RALYL: variants seen among roughly 807,000 people sequenced by gnomAD.
The protein encoded by RALYL is RNA-binding Raly-like protein.
RALYL carries 29 observed loss-of-function variants against 35.1 expected under a neutral mutation model. The ratio of observed to expected loss-of-function variants is 0.83; its 90% CI spans 0.61 to 1.13. The LOEUF is 1.13. Among genes scored for constraint, RALYL ranks in the 50% most tolerant of loss-of-function variants. RALYL has a pLI of 0.00. For missense variants in RALYL, 359 were observed against 360.4 expected (o/e 1.00, Z 0.03); for synonymous variants, 120 against 127.6 (o/e 0.94, Z 0.40).
intron 2 of RALYL, among the ~76,000 whole-genome samples, chr8:84,683,800 CCACATCCTCCTGAGTTG>C (rs1311712091): frequency 6.6e-6 from 1 of 152,168 alleles, no homozygotes; most frequent in Non-Finnish European, 1.5e-5. Flanking sequence ...GATTCTCCTG[CCACATCCTCCTGAGTTG>C]CTGGGATTAT....
chr8:84,243,249 G>A (rs1206260540), intron 1 of RALYL, among the ~76,000 whole-genome samples: 1 of 152,076 alleles, frequency 6.6e-6, no homozygotes, highest in African/African-American at 2.4e-5. Flanking sequence ...TGGGTAGCAT[G>A]ATGCCTCCAG....
intron 5 of RALYL, among the ~76,000 whole-genome samples, chr8:84,856,276 T>C (rs1049756773): frequency 6.6e-6 from 1 of 152,228 alleles, no homozygotes; most frequent in African/African-American, 2.4e-5. Context: ...TTCACACTAC[T>C]GACCTTACAG....
intron 2 of RALYL, among the ~76,000 whole-genome samples, chr8:84,732,598 A>G (rs147379594): frequency 3.4e-4 from 51 of 150,786 alleles, no homozygotes; most frequent in African/African-American, 1.0e-3. Context: ...ATGTTCAGGT[A>G]GTACCTGAAA....
At chr8:84,615,110 T>A (rs893637698) in intron 2 of RALYL, among the ~76,000 whole-genome samples, 3 of 151,818 alleles carry the variant, frequency 2.0e-5, no homozygotes, top group African/African-American at 4.9e-5. Flanking sequence ...TGTGCTTTTT[T>A]AAGCAGCACT....
At chr8:84,559,988 T>A (rs1190677724) in intron 2 of RALYL, among the ~76,000 whole-genome samples, 1 of 150,640 alleles carries the variant, frequency 6.6e-6, no homozygotes, top group Admixed American at 6.6e-5. Flanking sequence ...TTTTTTTTTT[T>A]AATTGCCTCA....
chr8:84,208,123 A>C (rs1409136272), intron 1 of RALYL, among the ~76,000 whole-genome samples: 7 of 152,108 alleles, frequency 4.6e-5, no homozygotes, highest in African/African-American at 1.7e-4. Context: ...TTTGGTACAC[A>C]TATCGGATTA....
At chr8:84,236,468 C>A (rs997014217) in intron 1 of RALYL, among the ~76,000 whole-genome samples, 1 of 152,104 alleles carries the variant, frequency 6.6e-6, no homozygotes, top group Non-Finnish European at 1.5e-5. Context: ...TTCAGTGGTG[C>A]TTGCTTGAGT....
chr8:84,473,700 G>A (rs1304731621), intron 1 of RALYL, among the ~76,000 whole-genome samples: 2 of 151,360 alleles, frequency 1.3e-5, no homozygotes, highest in African/African-American at 2.4e-5. Flanking sequence ...AGTGTCCTTT[G>A]GGTTTTCATT....
chr8:84,233,336 T>C (rs1393660429), intron 1 of RALYL, among the ~76,000 whole-genome samples: 1 of 152,154 alleles, frequency 6.6e-6, no homozygotes, highest in East Asian at 1.9e-4. Context: ...AACTTCCATT[T>C]TGTAGGAAAA....
intron 1 of RALYL, among the ~76,000 whole-genome samples, chr8:84,229,001 A>G (rs1276085088): frequency 6.6e-6 from 1 of 152,150 alleles, no homozygotes; most frequent in Admixed American, 6.6e-5. Context: ...AAACTATATC[A>G]CATCCCCACA....
At chr8:84,562,670 A>AG (rs3067944) in intron 2 of RALYL, among the ~76,000 whole-genome samples, 7 of 151,728 alleles carry the variant, frequency 4.6e-5, no homozygotes, top group African/African-American at 1.7e-4. Context: ...ACTACTAACT[A>AG]ACAACCTTCT....
intron 1 of RALYL, among the ~76,000 whole-genome samples, chr8:84,395,138 CT>C (rs939411782): frequency 6.6e-6 from 1 of 151,632 alleles, no homozygotes; most frequent in African/African-American, 2.4e-5. Flanking sequence ...CATAAGATCA[CT>C]TTTTTTCTGT....
chr8:84,589,723 A>G (rs1027304629), intron 2 of RALYL, among the ~76,000 whole-genome samples: 3 of 152,242 alleles, frequency 2.0e-5, no homozygotes, highest in African/African-American at 4.8e-5. Flanking sequence ...GCAAATGCCA[A>G]CCTAAATTAA....
At chr8:84,816,135 C>T (rs555810795) in intron 4 of RALYL, among the ~76,000 whole-genome samples, 37 of 151,898 alleles carry the variant, frequency 2.4e-4, no homozygotes, top group Non-Finnish European at 4.3e-4. Flanking sequence ...ACCAGTCTTG[C>T]CTTGAAAAAG....
At chr8:84,715,689 A>C (rs1275770547) in intron 2 of RALYL, among the ~76,000 whole-genome samples, 1 of 152,068 alleles carries the variant, frequency 6.6e-6, no homozygotes, top group Non-Finnish European at 1.5e-5. Flanking sequence ...TTAGTAATTC[A>C]TTGTGAATCA....
intron 2 of RALYL, among the ~76,000 whole-genome samples, chr8:84,735,279 C>T (rs1482456979): frequency 1.3e-5 from 2 of 151,800 alleles, no homozygotes; most frequent in Non-Finnish European, 2.9e-5. Context: ...CAGTGTCTGC[C>T]ACACTGGGCT....
chr8:84,844,882 G>T (rs531426701), intron 4 of RALYL, among the ~76,000 whole-genome samples: 1 of 151,732 alleles, frequency 6.6e-6, no homozygotes, highest in Non-Finnish European at 1.5e-5. Context: ...AAAACCAAAC[G>T]CCACATGTTC....
intron 5 of RALYL, among the ~76,000 whole-genome samples, chr8:84,850,350 G>A (rs1472596505): frequency 6.6e-6 from 1 of 152,110 alleles, no homozygotes; most frequent in African/African-American, 2.4e-5. Context: ...TCAAGATCAA[G>A]AGTTTGAAAA....
chr8:84,222,883 A>C (rs1270384960), intron 1 of RALYL, among the ~76,000 whole-genome samples: 1 of 152,140 alleles, frequency 6.6e-6, no homozygotes, highest in Non-Finnish European at 1.5e-5. Context: ...CTGTTCAAAT[A>C]AATTCTGAAA....
Sources: gnomAD v4.1 joint callset for allele counts (sites outside exome capture counted in the v4.1 genomes callset) on GRCh38, gnomAD v4.1.1 for gene constraint, MANE v1.5 for transcripts, NCBI Gene and HGNC (gene_info 2026-07-23, HGNC 2026-07-21) for gene names.